The following ZMIZ1 variants were observed in gnomAD, a reference collection of about 807,000 sequenced individuals.
ZMIZ1 encodes zinc finger MIZ-type containing 1.
ZMIZ1 carries 17 observed loss-of-function variants against 113.9 expected under a neutral mutation model. The observed-to-expected ratio is 0.15, with a 90% CI of 0.10 to 0.22. ZMIZ1 has a LOEUF of 0.22. Ranked by LOEUF, ZMIZ1 falls within the 10% of genes least tolerant of loss-of-function variation. The probability of loss-of-function intolerance (pLI) is 1.00; values close to 1 mark genes in which losing one functional copy is unlikely to be tolerated. For missense variants in ZMIZ1, 1,059 were observed against 1,477.8 expected, an observed-to-expected ratio of 0.72 and a Z score of 4.65; for synonymous variants, 607 against 603.1, an observed-to-expected ratio of 1.01 and a Z score of -0.09.
At chr10:79,153,806 G>A (rs534143213) in intron 3 of ZMIZ1, among the ~76,000 whole-genome samples, 38 of 152,238 alleles carry the variant, frequency 2.5e-4, no homozygotes, top group Admixed American at 4.6e-4. Flanking sequence ...GCCCAGACCC[G>A]CCACCACCCG....
intron 2 of ZMIZ1, among the ~76,000 whole-genome samples, chr10:79,119,708 T>A (rs1844202278): frequency 6.6e-6 from 1 of 152,106 alleles, no homozygotes; most frequent in Middle Eastern, 3.2e-3. Context: ...GGAGAGGGGC[T>A]TTTACCAGGT....
At chr10:79,281,149 G>A (rs1399633132) in intron 8 of ZMIZ1, among the ~76,000 whole-genome samples, 1 of 152,298 alleles carries the variant, frequency 6.6e-6, no homozygotes, top group East Asian at 1.9e-4. Flanking sequence ...TCTGGATCTC[G>A]GCCAGCCCTT....
In ZMIZ1 at chr10:79,194,163, A is replaced by G. The variant is rs1004004990; in HGVS notation, c.-49-7421A>G. 5.6e-4 allele frequency among the ~76,000 whole-genome samples: 85 copies of G among 152,312 alleles called. 1 individual carries two copies. Among genetic ancestry groups the G allele is most frequent in the African/African-American group, 1.9e-3 (77 of 41,554 alleles). ...TGCAGATGTGCATGGTGATTGAATC[A>G]TTTCTGCACACCACTGCTCACACAG... On this transcript the variant is annotated intron_variant, in intron 4 of 24. Transcript: ENST00000334512.
At chr10:79,072,461 G>A (rs1403018523) in intron 1 of ZMIZ1, among the ~76,000 whole-genome samples, 1 of 152,212 alleles carries the variant, frequency 6.6e-6, no homozygotes, top group Non-Finnish European at 1.5e-5. Context: ...GGCGGGAGGG[G>A]TGAAGGGATT....
intron 4 of ZMIZ1, among the ~76,000 whole-genome samples, 153 bp downstream of exon 4, chr10:79,162,286 A>G (rs1183130881): frequency 1.3e-5 from 2 of 152,222 alleles, no homozygotes; most frequent in African/African-American, 4.8e-5. Context: ...CTGGGACCTC[A>G]TCATGCCCCC....
chr10:79,242,206 C>T (rs1178305771), intron 7 of ZMIZ1, among the ~76,000 whole-genome samples: 1 of 152,096 alleles, frequency 6.6e-6, no homozygotes, highest in Non-Finnish European at 1.5e-5. Context: ...AGCCCGGAGC[C>T]CTTGCGACAG....
chr10:79,186,967 AC>A (rs1423631619), intron 4 of ZMIZ1, among the ~76,000 whole-genome samples: 1 of 151,878 alleles, frequency 6.6e-6, no homozygotes, highest in African/African-American at 2.4e-5. Flanking sequence ...ACCTGGCTCC[AC>A]CTCTCCTCCT....
intron 7 of ZMIZ1, among the ~76,000 whole-genome samples, chr10:79,237,246 G>A (rs1849626872): frequency 6.6e-6 from 1 of 152,232 alleles, no homozygotes; most frequent in African/African-American, 2.4e-5. Context: ...GACGGAGACT[G>A]GAGGCTGGGT....
chr10:79,209,244 G>A (rs1848450405), intron 6 of ZMIZ1, among the ~76,000 whole-genome samples: 1 of 152,142 alleles, frequency 6.6e-6, no homozygotes, highest in Non-Finnish European at 1.5e-5. Context: ...GGGGCACATG[G>A]AACAGCATCT....
intron 1 of ZMIZ1, among the ~76,000 whole-genome samples, chr10:79,114,840 G>A (rs1355859678): frequency 7.9e-5 from 12 of 152,098 alleles, no homozygotes; most frequent in Non-Finnish European, 1.5e-5. Flanking sequence ...GCTGCTGCCC[G>A]GGTGGTGTCT....
At chr10:79,104,665 G>C (rs1843488461) in intron 1 of ZMIZ1, among the ~76,000 whole-genome samples, 1 of 152,086 alleles carries the variant, frequency 6.6e-6, no homozygotes, top group African/African-American at 2.4e-5. Flanking sequence ...TTTGCTGTTG[G>C]GGCTTCCTGT....
At chr10:79,072,832 T>G (rs925390940) in intron 1 of ZMIZ1, among the ~76,000 whole-genome samples, 1 of 152,252 alleles carries the variant, frequency 6.6e-6, no homozygotes, top group South Asian at 2.1e-4. Flanking sequence ...CCCAGGACAC[T>G]GCTGCAGCCT....
intron 1 of ZMIZ1, among the ~76,000 whole-genome samples, chr10:79,113,276 G>A (rs924830563): frequency 6.6e-6 from 1 of 152,230 alleles, no homozygotes; most frequent in Non-Finnish European, 1.5e-5. Context: ...AGCTCTGCCA[G>A]GACTGTCTGT....
intron 17 of ZMIZ1, among the ~76,000 whole-genome samples, chr10:79,301,753 G>A (rs1854315051): frequency 6.6e-6 from 1 of 152,176 alleles, no homozygotes; most frequent in South Asian, 2.1e-4. Context: ...GTTCTGGAAG[G>A]CTTCCTGGAG....
At chr10:79,071,118 A>G (rs1394897873) in intron 1 of ZMIZ1, among the ~76,000 whole-genome samples, 3 of 152,066 alleles carry the variant, frequency 2.0e-5, no homozygotes, top group Admixed American at 6.5e-5. Context: ...AGCCCCAAAG[A>G]TTTAAAAGGG....
Position 79,127,497 on chromosome 10 carries a change from G to A in ZMIZ1, c.-227+8473G>A, listed in dbSNP as rs538205724. ...TAATAAAGCAGCCACCCCACAGCAGGGGGTGGCAAGCTTCTCTTATCCTCA... is the reference window on the plus strand; with the variant it reads ...TAATAAAGCAGCCACCCCACAGCAGAGGGTGGCAAGCTTCTCTTATCCTCA... On this transcript the variant is annotated intron_variant, in intron 2 of 24. Transcript: ENST00000334512. Among the ~76,000 whole-genome samples the A allele has an allele frequency of 3.3e-5, 5 of 152,188 alleles. No homozygotes were observed. In the South Asian group the frequency reaches 1.0e-3, roughly 32 times the overall value.
chr10:79,074,019 A>G (rs1842388369), intron 1 of ZMIZ1, among the ~76,000 whole-genome samples: 1 of 152,224 alleles, frequency 6.6e-6, no homozygotes, highest in African/African-American at 2.4e-5. Context: ...GCTGCCTGCC[A>G]CGGGCGCGTG....
chr10:79,203,290 T>TAG (rs1334276792), intron 5 of ZMIZ1, among the ~76,000 whole-genome samples: 1 of 152,174 alleles, frequency 6.6e-6, no homozygotes, highest in Non-Finnish European at 1.5e-5. Context: ...AGAGGAATCT[T>TAG]AAAGTCTATG....
At chr10:79,190,413 C>G (rs1398378481) in intron 4 of ZMIZ1, among the ~76,000 whole-genome samples, 7 of 152,218 alleles carry the variant, frequency 4.6e-5, no homozygotes, top group Non-Finnish European at 1.5e-5. Flanking sequence ...CCTCCGTTTC[C>G]TCATCTGTAA....
Sources: allele counts gnomAD v4.1 joint callset (sites outside exome capture counted in the v4.1 genomes callset), GRCh38; gene constraint gnomAD v4.1.1; transcripts MANE v1.5; gene names NCBI Gene and HGNC (gene_info 2026-07-23, HGNC 2026-07-21).